The following FOXP1 variants were observed in gnomAD, a reference collection of about 807,000 sequenced individuals.
FOXP1 encodes forkhead box protein P1.
FOXP1 carries 15 observed loss-of-function variants against 98.2 expected under a neutral mutation model. That is an observed-to-expected ratio of 0.15 (90% CI 0.10 to 0.24). FOXP1 has a LOEUF of 0.24. Among genes scored for constraint, FOXP1 ranks in the 10% least tolerant of loss-of-function variants. The pLI is 1.00. For synonymous variants in FOXP1, 371 were observed against 314.5 expected (o/e 1.18, Z -1.90); for missense variants, 633 against 848.5 (o/e 0.75, Z 3.15).
intron 10 of FOXP1, among the ~76,000 whole-genome samples, chr3:71,042,078 T>C (rs1010591971): frequency 3.3e-5 from 5 of 152,224 alleles, no homozygotes; most frequent in African/African-American, 1.2e-4. Flanking sequence ...AAATTGATTA[T>C]ACTATGATTA....
intron 4 of FOXP1, among the ~76,000 whole-genome samples, chr3:71,312,162 G>A (rs1156294849): frequency 6.6e-6 from 1 of 152,170 alleles, no homozygotes; most frequent in East Asian, 1.9e-4. Flanking sequence ...TGGCAAGGGT[G>A]TACGCATATG....
chr3:71,293,629 T>C (rs918515334), intron 5 of FOXP1, among the ~76,000 whole-genome samples: 3 of 152,220 alleles, frequency 2.0e-5, no homozygotes, highest in Admixed American at 6.5e-5. Context: ...AAGTGACTTC[T>C]GCTTGAAAAC....
chr3:71,268,988 A>G (rs1313082666), intron 5 of FOXP1, among the ~76,000 whole-genome samples: 2 of 152,142 alleles, frequency 1.3e-5, no homozygotes, highest in East Asian at 3.8e-4. Context: ...GAAGACAAAA[A>G]TCTGGGAAGG....
chr3:70,964,627 C>T (rs542298212), intron 20 of FOXP1, among the ~76,000 whole-genome samples: 5 of 152,228 alleles, frequency 3.3e-5, no homozygotes, highest in Admixed American at 2.0e-4. Context: ...ACAGGAAAAT[C>T]GGAAACACTA....
intron 6 of FOXP1, among the ~76,000 whole-genome samples, chr3:71,183,414 G>C (rs747466703): frequency 2.6e-5 from 4 of 152,134 alleles, no homozygotes; most frequent in South Asian, 4.2e-4. Context: ...GAGGAGAATC[G>C]CTTGAACCCA....
intron 3 of FOXP1, among the ~76,000 whole-genome samples, chr3:71,447,849 C>T (rs961452136): frequency 6.6e-6 from 1 of 152,168 alleles, no homozygotes; most frequent in African/African-American, 2.4e-5. Flanking sequence ...GAAATTTCAA[C>T]ATTTGCAAGT....
chr3:71,390,991 A>C (rs2080991299), intron 3 of FOXP1, among the ~76,000 whole-genome samples: 1 of 152,182 alleles, frequency 6.6e-6, no homozygotes, highest in Non-Finnish European at 1.5e-5. Context: ...TTTGTTCAAA[A>C]ACTCCTGCTC....
At chr3:71,367,647 AAC>A (rs921766497) in intron 3 of FOXP1, among the ~76,000 whole-genome samples, 1 of 152,124 alleles carries the variant, frequency 6.6e-6, no homozygotes, top group Non-Finnish European at 1.5e-5. Context: ...AACAACAAAA[AAC>A]AGTGTACTAT....
intron 5 of FOXP1, among the ~76,000 whole-genome samples, chr3:71,241,924 GA>G (rs774142700): frequency 1.6e-4 from 24 of 152,120 alleles, no homozygotes; most frequent in African/African-American, 4.8e-4. Flanking sequence ...AAGAGAGGAA[GA>G]TTTTTTTTTA....
At chr3:71,358,286 T>G (rs2078305121) in intron 4 of FOXP1, among the ~76,000 whole-genome samples, 1 of 152,084 alleles carries the variant, frequency 6.6e-6, no homozygotes, top group African/African-American at 2.4e-5. Flanking sequence ...CATCCATATT[T>G]GATACTAAAA....
intron 4 of FOXP1, among the ~76,000 whole-genome samples, chr3:71,355,939 G>A (rs1352932020): frequency 1.3e-5 from 2 of 152,084 alleles, no homozygotes; most frequent in African/African-American, 4.8e-5. Flanking sequence ...CATGAGTACT[G>A]CTGACATTCT....
chr3:71,204,397 G>T (rs954559957), intron 5 of FOXP1, among the ~76,000 whole-genome samples: 1 of 152,136 alleles, frequency 6.6e-6, no homozygotes, highest in East Asian at 1.9e-4. Context: ...CAAACGGTAG[G>T]GTGGCCTAGG....
chr3:71,220,477 C>G (rs1436263286), intron 5 of FOXP1, among the ~76,000 whole-genome samples: 1 of 152,160 alleles, frequency 6.6e-6, no homozygotes, highest in Admixed American at 6.5e-5. Flanking sequence ...GGCCAGCACC[C>G]TGGCTTACGC....
At chr3:71,577,111 C>G (rs830599) in intron 2 of FOXP1, among the ~76,000 whole-genome samples, 102,037 of 152,046 alleles carry the variant, frequency 0.67, 36,026 homozygotes, top group African/African-American at 0.79. Flanking sequence ...TTGTGAATGG[C>G]AGCTGACTTC....
intron 7 of FOXP1, among the ~76,000 whole-genome samples, chr3:71,092,297 G>A (rs529454301): frequency 6.6e-6 from 1 of 152,054 alleles, no homozygotes; most frequent in African/African-American, 2.4e-5. Context: ...CTTGAACCTG[G>A]TGAGTTAGGG....
rs910759992 is a variant in FOXP1, at chr3:71,493,440, G to C, written c.-182C>G. The C allele has an allele frequency of 1.3e-5, 2 of 152,152 alleles. No homozygotes were observed. The highest frequency in any genetic ancestry group is 6.5e-5 in the Admixed American group (1 of 15,268). 9.4% of individuals were successfully genotyped at this position (152,152 alleles called of 1,614,324 possible). ...CATTCACTCACCCTTTTGGCTAGCA[G>C]GCATCACATCCATCCGTTCATGGCT... On this transcript the variant is annotated 5_prime_UTR_variant, in exon 3 of 21. Transcript: ENST00000649528.
chr3:70,959,520 T>C (rs1426534278), intron 20 of FOXP1, 129 bp from the exon 21 acceptor site: 1 of 938,474 alleles, frequency 1.1e-6, no homozygotes, highest in East Asian at 2.6e-5. Flanking sequence ...TTGTTACCAT[T>C]AGCCACACGT....
At chr3:71,452,432 C>G (rs72961225) in intron 3 of FOXP1, among the ~76,000 whole-genome samples, 4,732 of 152,182 alleles carry the variant, frequency 0.031, 231 homozygotes, top group African/African-American at 0.11. Flanking sequence ...TTTCTAATGA[C>G]GTGGCAACTC....
intron 2 of FOXP1, among the ~76,000 whole-genome samples, chr3:71,547,845 T>A (rs1012255571): frequency 1.3e-5 from 2 of 152,230 alleles, no homozygotes; most frequent in African/African-American, 2.4e-5. Context: ...TTATGAGGCC[T>A]TTTGGCCACA....
Sources: gnomAD v4.1 joint callset for allele counts (sites outside exome capture counted in the v4.1 genomes callset) on GRCh38, gnomAD v4.1.1 for gene constraint, MANE v1.5 for transcripts, NCBI Gene and HGNC (gene_info 2026-07-23, HGNC 2026-07-21) for gene names.